PREX2: variants seen among roughly 807,000 people sequenced by gnomAD.
PREX2 encodes phosphatidylinositol 3,4,5-trisphosphate-dependent Rac exchanger 2 protein.
PREX2 carries 107 observed loss-of-function variants against 203.2 expected under a neutral mutation model. That is an observed-to-expected ratio of 0.53 (90% CI 0.45 to 0.62). The LOEUF is 0.62. Ranked by LOEUF, PREX2 falls within the 20% of genes least tolerant of loss-of-function variation. The probability of loss-of-function intolerance (pLI) is 0.00; values close to 1 mark genes in which losing one functional copy is unlikely to be tolerated. For synonymous variants in PREX2, 672 were observed against 663.6 expected (o/e 1.01, Z -0.19); for missense variants, 1,777 against 1,955.9 (o/e 0.91, Z 1.72).
chr8:68,079,898 C>T (rs1008620287), intron 15 of PREX2, among the ~76,000 whole-genome samples: 6 of 152,106 alleles, frequency 3.9e-5, no homozygotes, highest in South Asian at 2.1e-4. Flanking sequence ...AACAGGAATT[C>T]GTGGAAACTG....
intron 23 of PREX2, among the ~76,000 whole-genome samples, chr8:68,107,055 T>A (rs537367409): frequency 6.6e-6 from 1 of 152,250 alleles, no homozygotes; most frequent in Admixed American, 6.5e-5. Context: ...GTTTACCATC[T>A]GCCGGGGGAG....
intron 1 of PREX2, among the ~76,000 whole-genome samples, chr8:67,986,804 C>T (rs536765551): frequency 8.1e-4 from 123 of 152,096 alleles, no homozygotes; most frequent in Non-Finnish European, 1.4e-3. Flanking sequence ...CTTGTCAGTA[C>T]TAATAGAGAT....
At chr8:68,045,729 A>G (rs1808332358) in intron 8 of PREX2, among the ~76,000 whole-genome samples, 1 of 152,086 alleles carries the variant, frequency 6.6e-6, no homozygotes, top group African/African-American at 2.4e-5. Flanking sequence ...GTTGCCAGAC[A>G]GTTGGCAGAG....
At chr8:68,082,488 T>C (rs1193003991) in intron 17 of PREX2, 2 of 152,222 alleles carry the variant, frequency 1.3e-5, no homozygotes, top group East Asian at 3.9e-4. Context: ...GGCCAACGAA[T>C]GACCATTTTT....
intron 9 of PREX2, among the ~76,000 whole-genome samples, chr8:68,055,371 A>T (rs754451900): frequency 3.3e-5 from 5 of 152,226 alleles, no homozygotes; most frequent in Non-Finnish European, 7.3e-5. Context: ...ACACCTGTGC[A>T]TTCAAGACAG....
chr8:68,025,582 A>G (rs185938616), intron 4 of PREX2, among the ~76,000 whole-genome samples: 1 of 146,156 alleles, frequency 6.8e-6, no homozygotes, highest in East Asian at 2.0e-4. Flanking sequence ...TTTTAGAAAT[A>G]TTTATCTGAC....
intron 34 of PREX2, among the ~76,000 whole-genome samples, chr8:68,156,718 G>A (rs1048970837): frequency 6.6e-6 from 1 of 152,182 alleles, no homozygotes; most frequent in African/African-American, 2.4e-5. Context: ...CTGAGAAGAA[G>A]GGTCTAGGGA....
chr8:68,134,040 A>G lies in PREX2; in HGVS notation c.3767-19A>G, dbSNP rs1482430686. 4 of 1,603,816 alleles carry G rather than the reference A, an allele frequency of 2.5e-6. No individual in the cohort carries two copies. Among genetic ancestry groups the G allele is most frequent in the East Asian group, 2.2e-5 (1 of 44,782 alleles). ...TGCAACATTTTTCGAAGCATTCTCT[A>G]TGTTCTCTTTGATCACAGATAGTGA... On this transcript the variant is annotated intron_variant, in intron 31 of 39. Coordinates refer to ENST00000288368, the MANE Select transcript of PREX2 (RefSeq NM_024870.4).
intron 37 of PREX2, among the ~76,000 whole-genome samples, chr8:68,216,992 A>G (rs1289033485): frequency 1.3e-5 from 2 of 150,984 alleles, no homozygotes; most frequent in Non-Finnish European, 3.0e-5. Flanking sequence ...AAAATGAGAG[A>G]GAGAGAGAGA....
rs200517755 is a variant in PREX2, at chr8:68,014,447, C to CGG, written c.142-3392_142-3391dup. Among the ~76,000 whole-genome samples, 483 of 151,002 alleles carry CGG rather than the reference C, an allele frequency of 3.2e-3. 4 individuals carry two copies. Among genetic ancestry groups the CGG allele is most frequent in the African/African-American group, 0.011 (467 of 41,076 alleles). On this transcript the variant is annotated intron_variant, in intron 1 of 39. Transcript: ENST00000288368. The stretch of plus-strand genomic sequence containing the variant: ...TGCAAGCTGAAAGATCCTCGGGGTG[C>CGG]GGGGGGGGCGGCATATGTGAGAGCC...
At chr8:67,978,501 T>C (rs554517989) in intron 1 of PREX2, among the ~76,000 whole-genome samples, 3 of 152,292 alleles carry the variant, frequency 2.0e-5, no homozygotes, top group South Asian at 4.2e-4. Flanking sequence ...TTTCACTTAC[T>C]ATGTTTGTGG....
intron 35 of PREX2, among the ~76,000 whole-genome samples, chr8:68,180,100 T>A (rs1812056175): frequency 6.6e-6 from 1 of 152,154 alleles, no homozygotes; most frequent in African/African-American, 2.4e-5. Flanking sequence ...AACTGCTATT[T>A]CTATTGTTCA....
At chr8:68,011,891 C>A (rs911476882) in intron 1 of PREX2, among the ~76,000 whole-genome samples, 1 of 152,138 alleles carries the variant, frequency 6.6e-6, no homozygotes, top group African/African-American at 2.4e-5. Context: ...AAGAAATTCA[C>A]AAAAACACAC....
In PREX2 at chr8:68,120,956, C is replaced by A; in HGVS notation, c.3631C>A (p.Pro1211Thr). 6.2e-7 allele frequency: 1 copy of A among 1,613,564 alleles called. No homozygotes were observed. Among genetic ancestry groups the A allele is most frequent in the Non-Finnish European group, 8.5e-7 (1 of 1,179,660 alleles). Residue 1211 changes from proline (P) to threonine (T), a missense_variant, in exon 30 of 40, where the codon CCA becomes ACA. By Grantham distance (38) the Pro-to-Thr change is conservative (BLOSUM62 -1). Transcript: ENST00000288368. ...GGAAATGGAACCAAAGCTGAGTTGT[C>A]CAAAAAGGCTACGGCTTCATATCAA... ...QQEMEPKLSC[P>T]KRLRLHIKQD...
At chr8:68,004,846 A>G (rs35894632) in intron 1 of PREX2, among the ~76,000 whole-genome samples, 44,653 of 152,130 alleles carry the variant, frequency 0.29, 6,828 homozygotes, top group Middle Eastern at 0.4. Flanking sequence ...AACATAATAA[A>G]AAATCAATTG....
At chr8:68,054,586 A>G (rs1585742179) in intron 9 of PREX2, among the ~76,000 whole-genome samples, 1 of 152,338 alleles carries the variant, frequency 6.6e-6, no homozygotes, top group Non-Finnish European at 1.5e-5. Context: ...CTCCTTCAAC[A>G]GTTCGTCATC....
chr8:68,032,676 T>C (rs1023512530), intron 6 of PREX2, among the ~76,000 whole-genome samples: 2 of 152,178 alleles, frequency 1.3e-5, no homozygotes, highest in African/African-American at 2.4e-5. Context: ...CAGGCTGAAT[T>C]CAGGCCCTGG....
chr8:68,156,464 T>C (rs537049380), intron 34 of PREX2, among the ~76,000 whole-genome samples: 1 of 152,320 alleles, frequency 6.6e-6, no homozygotes, highest in South Asian at 2.1e-4. Flanking sequence ...AAATATCAAA[T>C]ACATTGGAAG....
intron 23 of PREX2, chr8:68,103,433 T>C: frequency 4.2e-6 from 2 of 470,920 alleles, no homozygotes; most frequent in Non-Finnish European, 8.4e-6. Flanking sequence ...TAGCTACCAA[T>C]GCATTAAAAA....
Sources: allele counts gnomAD v4.1 joint callset (sites outside exome capture counted in the v4.1 genomes callset), GRCh38; gene constraint gnomAD v4.1.1; transcripts MANE v1.5; gene names NCBI Gene and HGNC (gene_info 2026-07-23, HGNC 2026-07-21).